MATCAP2: variants seen among roughly 807,000 people sequenced by gnomAD.
The protein encoded by MATCAP2 is microtubule associated tyrosine carboxypeptidase 2.
the MATCAP2 span, chr7:36,334,197 T>C: frequency 4.1e-5 from 61 of 1,503,306 alleles, no homozygotes; most frequent in Non-Finnish European, 5.0e-5. Flanking sequence ...GAAAAAGAAA[T>C]GCCATTCTTG....
the MATCAP2 span, among the ~76,000 whole-genome samples, chr7:36,369,659 T>G: frequency 6.6e-6 from 1 of 152,236 alleles, no homozygotes; most frequent in Non-Finnish European, 1.5e-5. Flanking sequence ...GGTATTTATT[T>G]ATATAGAAGA....
chr7:36,357,054 A>G, the MATCAP2 span: 1 of 1,614,186 alleles, frequency 6.2e-7, no homozygotes, highest in Non-Finnish European at 8.5e-7. Context: ...ATAGCAGTCA[A>G]TATACAAAAT....
the MATCAP2 span, chr7:36,336,438 T>C: frequency 4.1e-6 from 3 of 723,992 alleles, no homozygotes; most frequent in Admixed American, 3.1e-5. Flanking sequence ...CAAACTTTTC[T>C]AATCCTAAAC....
At chr7:36,371,076 TTA>T in the MATCAP2 span, among the ~76,000 whole-genome samples, 1 of 152,190 alleles carries the variant, frequency 6.6e-6, no homozygotes, top group African/African-American at 2.4e-5. Flanking sequence ...AGCAGGATTG[TTA>T]TGTTATAGGT....
the MATCAP2 span, among the ~76,000 whole-genome samples, chr7:36,366,111 T>C: frequency 1.3e-4 from 20 of 152,350 alleles, no homozygotes; most frequent in African/African-American, 4.6e-4. Flanking sequence ...ATTCCGGCTT[T>C]ATTTTGGCAC....
the MATCAP2 span, among the ~76,000 whole-genome samples, chr7:36,386,439 A>C: frequency 8.0e-6 from 1 of 124,294 alleles, no homozygotes; most frequent in South Asian, 2.5e-4. Context: ...GTGTATGTGT[A>C]TGTGTGTATG....
chr7:36,326,873 C>T, the MATCAP2 span: 18 of 1,613,912 alleles, frequency 1.1e-5, no homozygotes, highest in East Asian at 2.2e-5. Flanking sequence ...CTCATGTTTT[C>T]GGTAACTGCC....
At chr7:36,360,652 G>A in the MATCAP2 span, among the ~76,000 whole-genome samples, 173 of 152,206 alleles carry the variant, frequency 1.1e-3, no homozygotes, top group African/African-American at 3.9e-3. Context: ...TTGTATTTCA[G>A]TTACATTAAA....
the MATCAP2 span, chr7:36,366,717 C>A: frequency 6.5e-7 from 1 of 1,535,270 alleles, no homozygotes; most frequent in South Asian, 1.2e-5. Context: ...TAATAAGTGA[C>A]GAAAGGATAA....
chr7:36,366,924 CG>C, the MATCAP2 span: 1 of 1,437,244 alleles, frequency 7.0e-7, no homozygotes, highest in Non-Finnish European at 9.0e-7. Context: ...ACCCGTCACG[CG>C]AATGGACTCC....
the MATCAP2 span, chr7:36,333,923 C>G: frequency 6.2e-7 from 1 of 1,614,140 alleles, no homozygotes; most frequent in Non-Finnish European, 8.5e-7. Context: ...TATTGGGGTC[C>G]TTGACAAACC....
the MATCAP2 span, chr7:36,390,297 C>G: frequency 1.8e-6 from 1 of 561,718 alleles, no homozygotes; most frequent in Non-Finnish European, 3.1e-6. Context: ...AAGGCTGTTG[C>G]GAGAGGTCTT....
the MATCAP2 span, chr7:36,326,895 G>A: frequency 6.2e-7 from 1 of 1,612,710 alleles, no homozygotes; most frequent in Non-Finnish European, 8.5e-7. Context: ...ATCCTTTTAA[G>A]CGATCCACAT....
At chr7:36,366,770 C>T in the MATCAP2 span, 11 of 1,534,762 alleles carry the variant, frequency 7.2e-6, no homozygotes, top group South Asian at 7.1e-5. Context: ...TTCGCGAGCG[C>T]CTCCTGCGCG....
At chr7:36,383,190 G>T in the MATCAP2 span, among the ~76,000 whole-genome samples, 1 of 152,170 alleles carries the variant, frequency 6.6e-6, no homozygotes, top group South Asian at 2.1e-4. Context: ...GTAGAGAGTA[G>T]TAACAAGTAA....
chr7:36,358,964 A>G, the MATCAP2 span, among the ~76,000 whole-genome samples: 3,887 of 152,292 alleles, frequency 0.026, 251 homozygotes, highest in East Asian at 0.22. Flanking sequence ...ACTGATGAAG[A>G]GTTTGTCTTA....
chr7:36,360,554 G>C, the MATCAP2 span, among the ~76,000 whole-genome samples: 1 of 152,114 alleles, frequency 6.6e-6, no homozygotes, highest in African/African-American at 2.4e-5. Context: ...ATGCTGGATA[G>C]CCCATGAAGT....
chr7:36,381,061 AC>A, the MATCAP2 span, among the ~76,000 whole-genome samples: 3 of 152,192 alleles, frequency 2.0e-5, no homozygotes, highest in Non-Finnish European at 4.4e-5. Flanking sequence ...GTCAAGGTTA[AC>A]ACCTGGGTAT....
chr7:36,341,058 A>G, the MATCAP2 span, among the ~76,000 whole-genome samples: 1 of 152,204 alleles, frequency 6.6e-6, no homozygotes, highest in African/African-American at 2.4e-5. Flanking sequence ...ATTCCTCACA[A>G]TATGTAATAT....
Sources: gnomAD v4.1 joint callset for allele counts (sites outside exome capture counted in the v4.1 genomes callset) on GRCh38, gnomAD v4.1.1 for gene constraint, MANE v1.5 for transcripts, NCBI Gene and HGNC (gene_info 2026-07-23, HGNC 2026-07-21) for gene names.